Variants in USH2A observed in about 807,000 individuals in gnomAD.
The protein encoded by USH2A is Usher syndrome 2A (autosomal recessive, mild).
In USH2A, 443 loss-of-function variants were observed where a neutral mutation model predicts 538.9. That is an observed-to-expected ratio of 0.82 (90% CI 0.76 to 0.89). The LOEUF (loss-of-function observed/expected upper bound fraction) is 0.89. Ranked by LOEUF, USH2A falls within the 40% of genes least tolerant of loss-of-function variation. The pLI is 0.00. For missense variants in USH2A, 6,633 were observed against 6,324.8 expected, an observed-to-expected ratio of 1.05 and a Z score of -1.65; for synonymous variants, 2,413 against 2,273.5, an observed-to-expected ratio of 1.06 and a Z score of -1.75.
At chr1:215,783,029 A>AG in intron 52 of USH2A, 94 bp from the exon 53 acceptor site, 1 of 1,203,770 alleles carries the variant, frequency 8.3e-7, no homozygotes, top group Non-Finnish European at 1.2e-6. Context: ...AGACATTTAA[A>AG]AATAAATGTT....
chr1:216,339,721 C>T (rs2038039178), intron 4 of USH2A, among the ~76,000 whole-genome samples: 2 of 151,966 alleles, frequency 1.3e-5, no homozygotes, highest in East Asian at 1.9e-4. Context: ...GAACAACCTA[C>T]TCCTGAACGA....
chr1:215,791,228 A>T (rs181646138), intron 50 of USH2A, among the ~76,000 whole-genome samples: 1 of 152,324 alleles, frequency 6.6e-6, no homozygotes, highest in Non-Finnish European at 1.5e-5. Flanking sequence ...GTGTTTTTAT[A>T]TTAGAATTTA....
chr1:216,347,048 G>C (rs1045300425), intron 4 of USH2A, among the ~76,000 whole-genome samples: 1 of 151,928 alleles, frequency 6.6e-6, no homozygotes, highest in Non-Finnish European at 1.5e-5. Context: ...AAAGACATTT[G>C]GTCTAAATTA....
intron 21 of USH2A, among the ~76,000 whole-genome samples, chr1:216,108,023 A>G (rs1000789090): frequency 6.6e-6 from 1 of 151,796 alleles, no homozygotes. Context: ...CACTAATCAA[A>G]TGTCTTCAAA....
Position 215,934,763 on chromosome 1 carries a change from T to C in USH2A, c.7153A>G (p.Lys2385Glu), listed in dbSNP as rs1442263536. The stretch of plus-strand genomic sequence containing the variant: ...GTCTCTTCTCCGCTGTACATGACTT[T>C]TGTGACATTCAGAAGGGTGTAGTTA... ...GNNYTLLNVT[K>E]VMYSGEETNL... Residue 2385 changes from lysine to glutamate, a missense_variant, in exon 38 of 72, where the codon AAA becomes GAA. By Grantham distance (56) the Lys-to-Glu change is moderately conservative. Transcript: ENST00000307340. The C allele has an allele frequency of 1.2e-6, 2 of 1,612,570 alleles. No homozygotes were observed. Among genetic ancestry groups the C allele is most frequent in the South Asian group, 2.2e-5 (2 of 91,038 alleles).
intron 11 of USH2A, among the ~76,000 whole-genome samples, chr1:216,288,112 T>G (rs958587405): frequency 4.0e-5 from 6 of 151,852 alleles, no homozygotes; most frequent in Admixed American, 2.0e-4. Context: ...TCTCAAAATA[T>G]GATATATCAA....
chr1:215,731,144 C>G (rs372450905), intron 60 of USH2A, among the ~76,000 whole-genome samples: 44 of 152,268 alleles, frequency 2.9e-4, no homozygotes, highest in African/African-American at 7.9e-4. Flanking sequence ...ATAAAGCCGA[C>G]ATTCTTAACA....
At chr1:215,780,637 A>G (rs997564104) in intron 54 of USH2A, among the ~76,000 whole-genome samples, 2 of 152,274 alleles carry the variant, frequency 1.3e-5, no homozygotes. Flanking sequence ...ATAGTTTTGG[A>G]CAAAAATTGG....
intron 21 of USH2A, among the ~76,000 whole-genome samples, chr1:216,160,470 G>GAA (rs35780418): frequency 1.3e-5 from 2 of 152,026 alleles, no homozygotes; most frequent in Admixed American, 1.3e-4. Context: ...CAGAGAACTT[G>GAA]AAATATTATG....
intron 22 of USH2A, among the ~76,000 whole-genome samples, chr1:216,091,808 T>G (rs1452898675): frequency 1.3e-5 from 2 of 152,198 alleles, no homozygotes; most frequent in African/African-American, 4.8e-5. Flanking sequence ...AATTCAAAAT[T>G]TGGCTATTTT....
At chr1:216,208,122 T>C (rs1005394212) in intron 15 of USH2A, among the ~76,000 whole-genome samples, 1 of 152,136 alleles carries the variant, frequency 6.6e-6, no homozygotes, top group East Asian at 1.9e-4. Context: ...CATGAAAACA[T>C]TGTGTTCTGT....
At position 215,782,791 on chromosome 1, in the gene USH2A, T is replaced by C. The variant is rs201997293; in HGVS notation, c.10532A>G (p.Asp3511Gly). ...TAAGACAATTGTATCTTCAAGATTG[T>C]CTATTTTGGTCCACGTAGGGGGACT... The part of the protein sequence containing the change: ...GVSPPTWTKI[D>G]NLEDTIVLNW... Residue 3511 changes from aspartate (D) to glycine (G), a missense_variant, in exon 53 of 72, where the codon GAC becomes GGC. Transcript: ENST00000307340. 82 of 1,614,032 alleles carry C rather than the reference T, an allele frequency of 5.1e-5. No homozygotes were observed. The East Asian group carries it at 1.8e-3, about 36-fold the overall frequency.
intron 11 of USH2A, among the ~76,000 whole-genome samples, chr1:216,277,022 T>A (rs1268638505): frequency 6.6e-6 from 1 of 152,142 alleles, no homozygotes; most frequent in African/African-American, 2.4e-5. Context: ...CTCATATCTA[T>A]CTATATCTAC....
Position 216,370,677 on chromosome 1 carries a change from C to CAAAAAAAAA in USH2A, c.652-5601_652-5593dup, listed in dbSNP as rs58845914. The stretch of plus-strand genomic sequence containing the variant: ...TGGGGAACAGAGCCAGACTCTGTCT[C>CAAAAAAAAA]AAAAAAAAAAAAAAAAAAAAAAAAA... On this transcript the variant is annotated intron_variant, in intron 3 of 71. Coordinates refer to ENST00000307340, the MANE Select transcript of USH2A (RefSeq NM_206933.4). 1.3e-3 allele frequency among the ~76,000 whole-genome samples: 39 copies of CAAAAAAAAA among 29,996 alleles called. 7 individuals carry two copies. Among genetic ancestry groups the CAAAAAAAAA allele is most frequent in the South Asian group, 3.3e-3 (1 of 306 alleles). The allele number at this position is 29,996 out of a possible 152,430, so 19.7% of individuals were successfully genotyped here.
intron 21 of USH2A, among the ~76,000 whole-genome samples, chr1:216,162,453 T>C (rs1315531631): frequency 1.3e-5 from 2 of 152,108 alleles, no homozygotes; most frequent in Non-Finnish European, 2.9e-5. Flanking sequence ...TTTGAAGTCT[T>C]TGTCTGCCTC....
At position 216,081,684 on chromosome 1, in the gene USH2A, C is replaced by T. The variant is rs1441461796; in HGVS notation, c.5298+1772G>A. Among the ~76,000 whole-genome samples, 5 of 152,088 alleles carry T rather than the reference C, an allele frequency of 3.3e-5. No individual in the cohort carries two copies. In the East Asian group the frequency reaches 9.6e-4, roughly 29 times the overall value. On this transcript the variant is annotated intron_variant, in intron 26 of 71. Coordinates refer to ENST00000307340, the MANE Select transcript of USH2A (RefSeq NM_206933.4). The stretch of plus-strand genomic sequence containing the variant: ...ACAGGTCACTGCAGCCTTCGACTCC[C>T]AGTCTTCAGCAATCCTCTTGCCTCA...
At chr1:215,781,726 A>T (rs1438075658) in intron 54 of USH2A, among the ~76,000 whole-genome samples, 2 of 152,168 alleles carry the variant, frequency 1.3e-5, no homozygotes, top group South Asian at 2.1e-4. Flanking sequence ...AATGATTTGG[A>T]CATTTTTATA....
chr1:215,728,380 G>A lies in USH2A; in HGVS notation c.11716C>T (p.Pro3906Ser), dbSNP rs772660259. 1 of 1,613,948 alleles carries A rather than the reference G, an allele frequency of 6.2e-7. No individual in the cohort carries two copies. The highest frequency in any genetic ancestry group is 2.2e-5 in the East Asian group (1 of 44,890). ...IIINYFIYRR[P>S]AGIEEESVLF... ...ACAGACTCCTCTTCAATGCCAGCAG[G>A]GCGTCTGAAAGGAAACCAAGCAGGC... The change falls in exon 61 of 72, where the codon CCT becomes TCT. Residue 3906 changes from proline (P) to serine (S), a missense_variant. Transcript: ENST00000307340.
intron 3 of USH2A, among the ~76,000 whole-genome samples, chr1:216,374,501 C>A (rs571827633): frequency 1.3e-5 from 2 of 152,104 alleles, no homozygotes; most frequent in South Asian, 4.1e-4. Flanking sequence ...TAACTTTAAT[C>A]ATTTGCATTA....
Sources: gnomAD v4.1 joint callset for allele counts (sites outside exome capture counted in the v4.1 genomes callset) on GRCh38, gnomAD v4.1.1 for gene constraint, MANE v1.5 for transcripts, NCBI Gene and HGNC (gene_info 2026-07-23, HGNC 2026-07-21) for gene names.